The following EHMT1 variants were observed in gnomAD, a reference collection of about 807,000 sequenced individuals.
EHMT1 encodes the protein euchromatic histone lysine methyltransferase 1, also known as histone-lysine N-methyltransferase EHMT1.
A neutral mutation model predicts 147.2 loss-of-function variants in EHMT1; 15 were observed. The observed-to-expected ratio is 0.10, with a 90% CI of 0.07 to 0.16. The LOEUF is 0.16. Among genes scored for constraint, EHMT1 ranks in the 10% least tolerant of loss-of-function variants. EHMT1 has a pLI of 1.00. For synonymous variants in EHMT1, 795 were observed against 709.6 expected, an observed-to-expected ratio of 1.12 and a Z score of -1.91; for missense variants, 1,587 against 1,772.4, an observed-to-expected ratio of 0.90 and a Z score of 1.88.
At chr9:137,695,418 A>T (rs1300199640) in intron 1 of EHMT1, among the ~76,000 whole-genome samples, 2 of 152,220 alleles carry the variant, frequency 1.3e-5, no homozygotes, top group Non-Finnish European at 2.9e-5. Flanking sequence ...GAAGGTCAGG[A>T]CAAAGAGCAT....
intron 1 of EHMT1, among the ~76,000 whole-genome samples, chr9:137,698,931 T>A (rs1943611575): frequency 6.7e-6 from 1 of 150,066 alleles, no homozygotes; most frequent in Admixed American, 6.6e-5. Context: ...CTATACATTG[T>A]TTATTTAAAA....
chr9:137,825,419 C>T (rs1588907043), intron 25 of EHMT1, among the ~76,000 whole-genome samples: 1 of 152,322 alleles, frequency 6.6e-6, no homozygotes, highest in African/African-American at 2.4e-5. Context: ...TGCCATCTGG[C>T]CTTTACCATT....
At chr9:137,693,194 C>A (rs906069685) in intron 1 of EHMT1, among the ~76,000 whole-genome samples, 3 of 152,110 alleles carry the variant, frequency 2.0e-5, no homozygotes, top group African/African-American at 7.2e-5. Context: ...TGAGGCCGGG[C>A]TAAGGGGACT....
At position 137,834,815 on chromosome 9, in the gene EHMT1, C is replaced by T. The variant is rs762125127; in HGVS notation, c.3759C>T (p.Leu1253=). The T allele has an allele frequency of 6.2e-7, 1 of 1,612,660 alleles. No homozygotes were observed. The highest frequency in any genetic ancestry group is 1.1e-5 in the South Asian group (1 of 91,072). Residue 1253 remains leucine (L), a synonymous_variant, in exon 27 of 27, where the codon CTC becomes CTT. Coordinates refer to ENST00000460843, the MANE Select transcript of EHMT1 (RefSeq NM_024757.5). ...GCTTCTGGGACATCAAAGGCAAGCT[C>T]TTCAGCTGCCGCTGCGGCTCCCCCA... ...GERFWDIKGK[L]FSCRCGSPKC... is the part of the protein sequence containing the mutation.
At chr9:137,673,158 T>C (rs182677632) in intron 1 of EHMT1, among the ~76,000 whole-genome samples, 2 of 152,332 alleles carry the variant, frequency 1.3e-5, no homozygotes, top group East Asian at 3.9e-4. Context: ...TGTCTCATCT[T>C]AGAGTGACAT....
chr9:137,655,669 C>A (rs1490602230), intron 1 of EHMT1, among the ~76,000 whole-genome samples: 3 of 152,200 alleles, frequency 2.0e-5, no homozygotes, highest in African/African-American at 7.2e-5. Context: ...AGTTGAGCAT[C>A]CCTGCCTGAG....
At chr9:137,804,515 A>G (rs1284905128) in intron 18 of EHMT1, among the ~76,000 whole-genome samples, 1 of 152,146 alleles carries the variant, frequency 6.6e-6, no homozygotes, top group Admixed American at 6.5e-5. Context: ...TAAGTCCTTT[A>G]TCAGATATAT....
At chr9:137,632,694 G>A (rs1843710388) in intron 1 of EHMT1, among the ~76,000 whole-genome samples, 1 of 152,130 alleles carries the variant, frequency 6.6e-6, no homozygotes, top group African/African-American at 2.4e-5. Flanking sequence ...GTGAGCCACT[G>A]TGCCCAGCCT....
At chr9:137,795,993 T>C (rs1174903686) in intron 16 of EHMT1, among the ~76,000 whole-genome samples, 2 of 152,202 alleles carry the variant, frequency 1.3e-5, no homozygotes, top group African/African-American at 4.8e-5. Context: ...GAGCGACAGA[T>C]GCCAACCTCA....
chr9:137,728,761 G>A (rs779920076), intron 4 of EHMT1, among the ~76,000 whole-genome samples: 11 of 152,180 alleles, frequency 7.2e-5, no homozygotes, highest in Admixed American at 1.3e-4. Flanking sequence ...ACATTCTCAA[G>A]ATGAAGACTG....
In EHMT1 at chr9:137,714,367, C is replaced by T. The variant is rs1444219553; in HGVS notation, c.86-2259C>T. Among the ~76,000 whole-genome samples the T allele has an allele frequency of 2.6e-5, 4 of 152,102 alleles. No homozygotes were observed. The East Asian group carries it at 7.7e-4, about 29-fold the overall frequency. On this transcript the variant is annotated intron_variant, in intron 2 of 26. Coordinates refer to ENST00000460843, the MANE Select transcript of EHMT1 (RefSeq NM_024757.5). ...ACCATGAAGGGGTGTTCATTTTTTC[C>T]TGTCTAATGAGATGCTTGTGTGGTT... is the stretch of plus-strand genomic sequence containing the variant.
chr9:137,641,100 A>G (rs770191137), intron 1 of EHMT1: 1 of 297,548 alleles, frequency 3.4e-6, no homozygotes, highest in South Asian at 3.3e-5. Flanking sequence ...TTGGGAACCA[A>G]GGAGCACTGT....
chr9:137,675,940 C>CTT (rs1941253238), intron 1 of EHMT1, among the ~76,000 whole-genome samples: 1 of 150,988 alleles, frequency 6.6e-6, no homozygotes, highest in Non-Finnish European at 1.5e-5. Context: ...CCCGCCACTA[C>CTT]GCCCGGCTAA....
At chr9:137,737,837 T>C (rs1337605576) in intron 4 of EHMT1, among the ~76,000 whole-genome samples, 1 of 152,058 alleles carries the variant, frequency 6.6e-6, no homozygotes, top group Non-Finnish European at 1.5e-5. Flanking sequence ...TGATGAGGAA[T>C]TACTACCCAA....
chr9:137,773,696 C>T (rs1950740218), intron 10 of EHMT1, among the ~76,000 whole-genome samples: 1 of 152,196 alleles, frequency 6.6e-6, no homozygotes, highest in Admixed American at 6.5e-5. Flanking sequence ...GGACAGAACT[C>T]ACAGTGATGG....
chr9:137,657,332 T>C (rs1938566866), intron 1 of EHMT1, among the ~76,000 whole-genome samples: 1 of 152,094 alleles, frequency 6.6e-6, no homozygotes, highest in Admixed American at 6.6e-5. Context: ...ATGTGACTTC[T>C]GTTTTAACAG....
chr9:137,817,094 G>T (rs1046845529), intron 23 of EHMT1: 1 of 363,380 alleles, frequency 2.8e-6, no homozygotes, highest in Non-Finnish European at 5.3e-6. Flanking sequence ...CCACAGCCTG[G>T]TCCAGCTATA....
At chr9:137,685,986 C>T (rs985615242) in intron 1 of EHMT1, among the ~76,000 whole-genome samples, 1 of 152,176 alleles carries the variant, frequency 6.6e-6, no homozygotes, top group Non-Finnish European at 1.5e-5. Context: ...CTGTGTTGCC[C>T]AGGCTGGTCT....
chr9:137,633,852 G>A (rs1051182850), intron 1 of EHMT1, among the ~76,000 whole-genome samples: 3 of 143,290 alleles, frequency 2.1e-5, no homozygotes, highest in African/African-American at 5.2e-5. Flanking sequence ...AGACAGTCTC[G>A]CTCTTGTCGC....
Sources: allele counts gnomAD v4.1 joint callset (sites outside exome capture counted in the v4.1 genomes callset), GRCh38; gene constraint gnomAD v4.1.1; transcripts MANE v1.5; gene names NCBI Gene and HGNC (gene_info 2026-07-23, HGNC 2026-07-21).